DLC1: variants seen among roughly 807,000 people sequenced by gnomAD.
DLC1 encodes DLC1 Rho GTPase activating protein.
Under a neutral mutation model 140.3 loss-of-function variants are expected in DLC1, and 54 were observed. The observed-to-expected ratio is 0.38, with a 90% CI of 0.31 to 0.48. The LOEUF is 0.48. Among genes scored for constraint, DLC1 ranks in the 20% least tolerant of loss-of-function variants. The pLI is 0.96. For missense variants in DLC1, 2,536 were observed against 1,907.0 expected (o/e 1.33, Z -6.14); for synonymous variants, 986 against 728.1 (o/e 1.35, Z -5.70).
At chr8:13,371,699 C>G (rs1835738283) in intron 4 of DLC1, among the ~76,000 whole-genome samples, 1 of 152,066 alleles carries the variant, frequency 6.6e-6, no homozygotes, top group South Asian at 2.1e-4. Flanking sequence ...ACACCTTCAG[C>G]TAATTCCCTC....
At chr8:13,315,479 C>T (rs920913002) in intron 4 of DLC1, among the ~76,000 whole-genome samples, 1 of 152,190 alleles carries the variant, frequency 6.6e-6, no homozygotes, top group Non-Finnish European at 1.5e-5. Flanking sequence ...ATGTCTGAAT[C>T]TATCTATAAA....
chr8:13,232,464 G>T (rs930598192), intron 5 of DLC1, among the ~76,000 whole-genome samples: 4 of 152,050 alleles, frequency 2.6e-5, no homozygotes, highest in African/African-American at 9.7e-5. Flanking sequence ...CTCCTGAGTA[G>T]CTAGGACTAC....
chr8:13,276,132 T>C (rs1179571668), intron 5 of DLC1: 2 of 1,318,578 alleles, frequency 1.5e-6, no homozygotes, highest in Non-Finnish European at 2.0e-6. Context: ...CACACTGCCA[T>C]GACAAGAATG....
chr8:13,396,057 TC>T (rs1270264331), intron 3 of DLC1, among the ~76,000 whole-genome samples: 1 of 110,676 alleles, frequency 9.0e-6, no homozygotes, highest in Non-Finnish European at 2.0e-5. Context: ...TAATTTCTTT[TC>T]TTTCTTTTTT....
intron 5 of DLC1, among the ~76,000 whole-genome samples, chr8:13,284,841 G>A (rs1467626396): frequency 6.6e-6 from 1 of 152,122 alleles, no homozygotes; most frequent in African/African-American, 2.4e-5. Context: ...ACAAAAATTT[G>A]TACACTGAAA....
intron 2 of DLC1, among the ~76,000 whole-genome samples, chr8:13,417,114 C>G (rs1361766847): frequency 6.6e-6 from 1 of 152,070 alleles, no homozygotes; most frequent in African/African-American, 2.4e-5. Flanking sequence ...TTAAATAGAT[C>G]AAGCTGTACT....
intron 5 of DLC1, among the ~76,000 whole-genome samples, chr8:13,208,064 G>A (rs1256560187): frequency 6.6e-6 from 1 of 152,098 alleles, no homozygotes; most frequent in East Asian, 1.9e-4. Flanking sequence ...TCCATCTTAT[G>A]TTTAGCTCTG....
At chr8:13,443,186 A>G (rs1290105431) in intron 2 of DLC1, among the ~76,000 whole-genome samples, 1 of 143,316 alleles carries the variant, frequency 7.0e-6, no homozygotes, top group African/African-American at 2.6e-5. Flanking sequence ...GGGAAACATC[A>G]GACACTGGGG....
At chr8:13,487,978 C>T (rs995958759) in intron 2 of DLC1, among the ~76,000 whole-genome samples, 2 of 152,120 alleles carry the variant, frequency 1.3e-5, no homozygotes, top group Admixed American at 1.3e-4. Context: ...GACTAAAATA[C>T]CTTTGGGGAC....
chr8:13,453,420 A>ATTTTTTTTTTTTTTTTTTTTTT (rs1218533007), intron 2 of DLC1, among the ~76,000 whole-genome samples: 1 of 22,710 alleles, frequency 4.4e-5, no homozygotes, highest in Non-Finnish European at 7.9e-5. Flanking sequence ...ATATATATAT[A>ATTTTTTTTTTTTTTTTTTTTTT]TATGTGTATA....
At chr8:13,555,240 A>G (rs113571734) in intron 1 of DLC1, among the ~76,000 whole-genome samples, 1 of 152,068 alleles carries the variant, frequency 6.6e-6, no homozygotes. Context: ...ATCACATACC[A>G]TCTTCTAGTG....
chr8:13,396,844 C>A (rs1449528565), intron 3 of DLC1, among the ~76,000 whole-genome samples: 1 of 152,100 alleles, frequency 6.6e-6, no homozygotes, highest in Non-Finnish European at 1.5e-5. Context: ...ACATCCGCTC[C>A]CTCCTTTAAT....
intron 7 of DLC1, among the ~76,000 whole-genome samples, chr8:13,105,986 G>A (rs545637218): frequency 1.6e-4 from 24 of 152,282 alleles, no homozygotes; most frequent in African/African-American, 5.1e-4. Flanking sequence ...TAACCCATCC[G>A]TCCAGAAGCC....
intron 5 of DLC1, among the ~76,000 whole-genome samples, chr8:13,189,533 A>T (rs912829614): frequency 1.3e-5 from 2 of 152,112 alleles, no homozygotes; most frequent in African/African-American, 4.8e-5. Flanking sequence ...ATGCAACTGT[A>T]ATCAAGTAAA....
rs142260741 is a variant in DLC1, at chr8:13,151,855, C to T, written c.1349-36198G>A. Among the ~76,000 whole-genome samples the T allele has an allele frequency of 5.8e-3, 877 of 152,048 alleles. 5 individuals carry two copies. Among genetic ancestry groups the T allele is most frequent in the Middle Eastern group, 0.01 (3 of 294 alleles). On this transcript the variant is annotated intron_variant, in intron 5 of 17. Transcript: ENST00000276297. ...ATTTTATACCATTTACATTTATTGT[C>T]GGTAAAAGTTATTTTTTTTAAAAAA...
intron 4 of DLC1, among the ~76,000 whole-genome samples, chr8:13,318,541 A>C (rs17192992): frequency 7.2e-5 from 11 of 152,164 alleles, no homozygotes; most frequent in Non-Finnish European, 1.6e-4. Context: ...TTAGGACTCA[A>C]ATTTTCTCTT....
chr8:13,407,135 C>T (rs1438439015), intron 2 of DLC1, among the ~76,000 whole-genome samples: 1 of 152,174 alleles, frequency 6.6e-6, no homozygotes, highest in Non-Finnish European at 1.5e-5. Context: ...CTGTCAGAAA[C>T]CTAAGATGTC....
rs142485278 is a variant in DLC1, at chr8:13,368,705, C to G, written c.1314+24848G>C. Reference sequence around the variant, plus strand: ...CTCTGAGTTGTTAGGTGAAAGAGCCCTCACGGAAGGGAAGGATGTTTATGG... The same window carrying G: ...CTCTGAGTTGTTAGGTGAAAGAGCCGTCACGGAAGGGAAGGATGTTTATGG... On this transcript the variant is annotated intron_variant, in intron 4 of 17. Coordinates refer to ENST00000276297, the MANE Select transcript of DLC1 (RefSeq NM_182643.3). 5.1e-3 allele frequency among the ~76,000 whole-genome samples: 774 copies of G among 152,220 alleles called. 6 individuals are homozygous for G. The highest frequency in any genetic ancestry group is 0.012 in the South Asian group (56 of 4,814).
chr8:13,246,826 T>G (rs973797375), intron 5 of DLC1, among the ~76,000 whole-genome samples: 6 of 152,118 alleles, frequency 3.9e-5, no homozygotes, highest in Non-Finnish European at 5.9e-5. Context: ...GAGACATATT[T>G]CTAATATTTG....
Sources: gnomAD v4.1 joint callset for allele counts (sites outside exome capture counted in the v4.1 genomes callset) on GRCh38, gnomAD v4.1.1 for gene constraint, MANE v1.5 for transcripts, NCBI Gene and HGNC (gene_info 2026-07-23, HGNC 2026-07-21) for gene names.